The following PKD1L1 variants were observed in gnomAD, a reference collection of about 807,000 sequenced individuals.
The protein encoded by PKD1L1 is polycystin 1 like 1, transient receptor potential channel interacting.
PKD1L1 carries 236 observed loss-of-function variants against 323.4 expected under a neutral mutation model. The ratio of observed to expected loss-of-function variants is 0.73; its 90% CI spans 0.66 to 0.81. The LOEUF (loss-of-function observed/expected upper bound fraction) is 0.81, where lower values mean the gene tolerates loss of function less well. Among genes scored for constraint, PKD1L1 ranks in the 40% least tolerant of loss-of-function variants. The pLI is 0.00. For synonymous variants in PKD1L1, 1,344 were observed against 1,335.0 expected (o/e 1.01, Z -0.15); for missense variants, 3,320 against 3,508.0 (o/e 0.95, Z 1.35).
intron 54 of PKD1L1, 61 bp downstream of exon 54, chr7:47,800,588 C>T (rs1784638188): frequency 3.9e-6 from 6 of 1,539,620 alleles, no homozygotes; most frequent in East Asian, 2.3e-5. Context: ...AGAGTTTCAC[C>T]CCAACAGCAA....
chr7:47,873,459 C>T (rs553429812), intron 24 of PKD1L1, among the ~76,000 whole-genome samples: 1 of 151,848 alleles, frequency 6.6e-6, no homozygotes, highest in African/African-American at 2.4e-5. Context: ...CCAGCCTGAC[C>T]AACATGGTGA....
At chr7:47,948,283 C>T (rs775972989) in intron 1 of PKD1L1, 114 bp downstream of exon 1, 4 of 1,225,856 alleles carry the variant, frequency 3.3e-6, no homozygotes, top group Non-Finnish European at 4.7e-6. Context: ...ACAGGGCCTC[C>T]ACTCGTGCCA....
intron 7 of PKD1L1, among the ~76,000 whole-genome samples, chr7:47,921,545 G>A (rs938313440): frequency 6.6e-6 from 1 of 152,080 alleles, no homozygotes; most frequent in African/African-American, 2.4e-5. Flanking sequence ...CGATCCATTG[G>A]AAAATAAGTC....
chr7:47,784,176 C>G (rs948779981), intron 56 of PKD1L1, among the ~76,000 whole-genome samples: 1 of 152,150 alleles, frequency 6.6e-6, no homozygotes, highest in African/African-American at 2.4e-5. Flanking sequence ...TGAAGTCATC[C>G]CGGGAAGACT....
intron 51 of PKD1L1, among the ~76,000 whole-genome samples, chr7:47,808,687 G>A (rs1784832779): frequency 6.6e-6 from 1 of 152,148 alleles, no homozygotes; most frequent in Non-Finnish European, 1.5e-5. Context: ...GTAAGTGCTG[G>A]TGTATCTAAC....
the PKD1L1 span, among the ~76,000 whole-genome samples, chr7:47,959,452 T>C: frequency 7.0e-6 from 1 of 143,480 alleles, no homozygotes; most frequent in Non-Finnish European, 1.5e-5. Flanking sequence ...GTCTGAGATG[T>C]GGGGAGCGCC....
At chr7:47,855,658 C>T (rs1319155394) in intron 28 of PKD1L1, among the ~76,000 whole-genome samples, 3 of 97,728 alleles carry the variant, frequency 3.1e-5, no homozygotes, top group Non-Finnish European at 6.2e-5. Flanking sequence ...GGGCGGATCA[C>T]GAGGTCAGGA....
intron 41 of PKD1L1, 31 bp downstream of exon 41, chr7:47,833,059 G>A: frequency 6.3e-7 from 1 of 1,593,032 alleles, no homozygotes; most frequent in Non-Finnish European, 8.6e-7. Context: ...GGACTGGCAG[G>A]AAGGGGGCTG....
chr7:47,859,416 T>C (rs888082339), intron 26 of PKD1L1, among the ~76,000 whole-genome samples: 1 of 152,198 alleles, frequency 6.6e-6, no homozygotes, highest in Admixed American at 6.5e-5. Context: ...TACCCTCATT[T>C]GGACTGGCAG....
At position 47,833,248 on chromosome 7, in the gene PKD1L1, G is replaced by A. The variant is rs763634283; in HGVS notation, c.6179C>T (p.Pro2060Leu). The A allele has an allele frequency of 3.1e-6, 5 of 1,611,858 alleles. No homozygotes were observed. The highest frequency in any genetic ancestry group is 2.2e-5 in the South Asian group (2 of 90,562). Reference protein sequence around the residue: ...IPDAQEPRKQPASAILSGSGR... With the variant: ...IPDAQEPRKQLASAILSGSGR... ...ACTCCCAGAGAGAATGGCTGATGCAGGTTGCTAGAATGACAAGGTCATGCC... is the reference window on the plus strand; with the variant it reads ...ACTCCCAGAGAGAATGGCTGATGCAAGTTGCTAGAATGACAAGGTCATGCC... The change falls in exon 41 of 57, where the codon CCT becomes CTT. Residue 2060 changes from proline to leucine, a missense_variant. Physicochemically the swap from Pro to Leu is moderately conservative, Grantham distance 98. Coordinates refer to ENST00000289672, the MANE Select transcript of PKD1L1 (RefSeq NM_138295.5).
chr7:47,880,284 A>ATTTTTTTTTTTTT lies in PKD1L1; in HGVS notation c.3520+431_3520+443dup, dbSNP rs35198089. On this transcript the variant is annotated intron_variant, in intron 21 of 56. Coordinates refer to ENST00000289672, the MANE Select transcript of PKD1L1 (RefSeq NM_138295.5). ...TATATACATATATATATATATATAT[A>ATTTTTTTTTTTTT]TTTTTTTTTTTTTTTTTGAGACAGT... is the stretch of plus-strand genomic sequence containing the variant. Among the ~76,000 whole-genome samples, 49 of 56,762 alleles carry ATTTTTTTTTTTTT rather than the reference A, an allele frequency of 8.6e-4. 2 individuals are homozygous for ATTTTTTTTTTTTT. Among genetic ancestry groups the ATTTTTTTTTTTTT allele is most frequent in the Middle Eastern group, 0.016 (1 of 64 alleles). 37.2% of individuals were successfully genotyped at this position (56,762 alleles called of 152,430 possible). A position where few individuals can be genotyped will look rare whatever the true frequency, so the allele number is the denominator to read the frequency against.
rs781779902 is a variant in PKD1L1 at position 47,931,136 on chromosome 7, C to T, written c.705G>A (p.Trp235Ter). The T allele has an allele frequency of 2.5e-6, 4 of 1,614,146 alleles. No individual in the cohort carries two copies. The highest frequency in any genetic ancestry group is 3.4e-6 in the Non-Finnish European group (4 of 1,180,006). The stretch of plus-strand genomic sequence containing the variant: ...GAGAAGTGGGAAAATGTGAAATCGG[C>T]CACAGGGGCACTCGCTGGGAGCTGG... Reference protein sequence around the residue: ...TQTSSQRVPLWPISHFPTSPR... With the variant: ...TQTSSQRVPL The change falls in exon 6 of 57, where the codon TGG becomes TGA. Residue 235 changes from tryptophan to a stop codon, truncating the protein, a stop_gained. Coordinates refer to ENST00000289672, the MANE Select transcript of PKD1L1 (RefSeq NM_138295.5). LOFTEE classifies it high-confidence loss of function.
In PKD1L1 at chr7:47,877,622, T is replaced by C. The variant is rs1288834296; in HGVS notation, c.3530A>G (p.His1177Arg). ...YVLQVSVASK[H>R]GLLGKAQLYL... The stretch of plus-strand genomic sequence containing the variant: ...CAGCTGAGCTTTACCCAGTAAGCCA[T>C]GCTTCGAAGCTAAAGAGAAAGATGA... Residue 1177 changes from histidine to arginine, a missense_variant, in exon 22 of 57, where the codon CAT becomes CGT. His to Arg is a conservative substitution (Grantham distance 29). Coordinates refer to ENST00000289672, the MANE Select transcript of PKD1L1 (RefSeq NM_138295.5). 7 of 1,613,920 alleles carry C rather than the reference T, an allele frequency of 4.3e-6. No homozygotes were observed. The highest frequency in any genetic ancestry group is 1.3e-5 in the African/African-American group (1 of 75,052).
chr7:47,913,613 C>T lies in PKD1L1; in HGVS notation c.1228+1819G>A, dbSNP rs969898462. ...GTGTGGCACCTCCCCCCCTCTTGCT[C>T]CTACTCCGGCTATGTAACGTGTGTG... On this transcript the variant is annotated intron_variant, in intron 8 of 56. Transcript: ENST00000289672. Among the ~76,000 whole-genome samples, 6 of 152,258 alleles carry T rather than the reference C, an allele frequency of 3.9e-5. No homozygotes were observed. The East Asian group carries it at 1.2e-3, about 29-fold the overall frequency.
In PKD1L1 at chr7:47,908,092, G is replaced by A. The variant is rs757118245; in HGVS notation, c.1387C>T (p.Gln463Ter). 6.2e-7 allele frequency: 1 copy of A among 1,613,640 alleles called. No homozygotes were observed. The highest frequency in any genetic ancestry group is 2.2e-5 in the East Asian group (1 of 44,896). Reference protein sequence around the residue: ...EDEVLVFADSQVNQKSTVVIH... With the variant: ...EDEVLVFADS ...TACGTCTTACTTTTCTGATTCACTTGGGAGTCAGCAAAGACAAGCACTTCA... is the reference window on the plus strand; with the variant it reads ...TACGTCTTACTTTTCTGATTCACTTAGGAGTCAGCAAAGACAAGCACTTCA... The change falls in exon 9 of 57, where the codon CAA (glutamine) becomes TAA (stop). Residue 463 changes from glutamine to a stop codon, truncating the protein, a stop_gained. Transcript: ENST00000289672. LOFTEE classifies it high-confidence loss of function.
chr7:47,958,125 T>C, the PKD1L1 span, among the ~76,000 whole-genome samples: 1 of 152,054 alleles, frequency 6.6e-6, no homozygotes, highest in Non-Finnish European at 1.5e-5. Context: ...ACAAAAGACC[T>C]TGAATAGCCA....
chr7:47,811,265 C>A (rs770659952), intron 50 of PKD1L1, among the ~76,000 whole-genome samples: 1 of 151,942 alleles, frequency 6.6e-6, no homozygotes, highest in African/African-American at 2.4e-5. Flanking sequence ...GAAATTCTCC[C>A]GCCTTCAGCC....
chr7:47,803,451 G>C (rs1033369060), intron 52 of PKD1L1, 107 bp from the exon 53 acceptor site: 1 of 1,331,322 alleles, frequency 7.5e-7, no homozygotes, highest in African/African-American at 1.4e-5. Flanking sequence ...ATTTGATGAT[G>C]TTATATAGAC....
chr7:47,852,369 A>G (rs1785800095), intron 31 of PKD1L1, among the ~76,000 whole-genome samples: 1 of 152,252 alleles, frequency 6.6e-6, no homozygotes, highest in African/African-American at 2.4e-5. Flanking sequence ...GAATTTGATG[A>G]GCAATACAGT....
Sources: allele counts gnomAD v4.1 joint callset (sites outside exome capture counted in the v4.1 genomes callset), GRCh38; gene constraint gnomAD v4.1.1; transcripts MANE v1.5; gene names NCBI Gene and HGNC (gene_info 2026-07-23, HGNC 2026-07-21).